PREX1: variants seen among roughly 807,000 people sequenced by gnomAD.
PREX1 encodes phosphatidylinositol-3,4,5-trisphosphate dependent Rac exchange factor 1.
Under a neutral mutation model 198.3 loss-of-function variants are expected in PREX1, and 41 were observed. The ratio of observed to expected loss-of-function variants is 0.21; its 90% CI spans 0.16 to 0.27. PREX1 has a LOEUF of 0.27. Among genes scored for constraint, PREX1 ranks in the 10% least tolerant of loss-of-function variants. The pLI is 1.00. For synonymous variants in PREX1, 843 were observed against 887.2 expected, an observed-to-expected ratio of 0.95 and a Z score of 0.89; for missense variants, 1,620 against 2,200.7, an observed-to-expected ratio of 0.74 and a Z score of 5.28.
Position 48,786,811 on chromosome 20 carries a change from G to A in PREX1, c.220-38931C>T, listed in dbSNP as rs1204680233. Among the ~76,000 whole-genome samples, 4 of 35,582 alleles carry A rather than the reference G, an allele frequency of 1.1e-4. No individual in the cohort carries two copies. In the East Asian group the frequency reaches 3.0e-3, roughly 27 times the overall value. The allele number at this position is 35,582 out of a possible 152,430, so 23.3% of individuals were successfully genotyped here. ...AGAAAAGAAAAGAAAGAGAAGGAAGGAAAGAAAAAGAGAGAGAGAGAAAGA... is the reference window on the plus strand; with the variant it reads ...AGAAAAGAAAAGAAAGAGAAGGAAGAAAAGAAAAAGAGAGAGAGAGAAAGA... On this transcript the variant is annotated intron_variant, in intron 1 of 39. Coordinates refer to ENST00000371941, the MANE Select transcript of PREX1 (RefSeq NM_020820.4).
intron 33 of PREX1, among the ~76,000 whole-genome samples, chr20:48,633,152 G>T (rs529127628): frequency 8.7e-4 from 133 of 152,206 alleles, no homozygotes; most frequent in Non-Finnish European, 2.5e-4. Flanking sequence ...ATCACTCATC[G>T]ATCAAAGCTC....
At chr20:48,884,013 G>A in the PREX1 span, among the ~76,000 whole-genome samples, 3 of 152,010 alleles carry the variant, frequency 2.0e-5, no homozygotes, top group Middle Eastern at 0.01. Flanking sequence ...GGTGGTGGAC[G>A]CCTGTAGTCT....
Position 48,756,298 on chromosome 20 carries a change from C to G in PREX1, c.220-8418G>C, listed in dbSNP as rs1282832109. Among the ~76,000 whole-genome samples, 4 of 152,166 alleles carry G rather than the reference C, an allele frequency of 2.6e-5. No individual in the cohort carries two copies. In the East Asian group the frequency reaches 7.7e-4, roughly 29 times the overall value. ...CCCTCTCCACTCTGTTCCCACCTAG[C>G]ATTCCTTCATCACGTCCATGCCAGG... On this transcript the variant is annotated intron_variant, in intron 1 of 39. Coordinates refer to ENST00000371941, the MANE Select transcript of PREX1 (RefSeq NM_020820.4).
At chr20:48,696,156 T>C (rs1410493625) in intron 7 of PREX1, among the ~76,000 whole-genome samples, 1 of 152,256 alleles carries the variant, frequency 6.6e-6, no homozygotes, top group Non-Finnish European at 1.5e-5. Flanking sequence ...CTTTGTCCTG[T>C]TTAAGATATT....
At chr20:48,786,610 G>A (rs2090313326) in intron 1 of PREX1, among the ~76,000 whole-genome samples, 2 of 151,954 alleles carry the variant, frequency 1.3e-5, no homozygotes, top group African/African-American at 4.8e-5. Flanking sequence ...TAGGTGTGGT[G>A]GTGCACACCT....
intron 5 of PREX1, among the ~76,000 whole-genome samples, chr20:48,717,583 T>C (rs887071136): frequency 6.6e-6 from 1 of 151,450 alleles, no homozygotes; most frequent in African/African-American, 2.4e-5. Flanking sequence ...CTCCCCAGCA[T>C]TGCAAAAAAA....
intron 25 of PREX1, among the ~76,000 whole-genome samples, chr20:48,647,519 CAAAAAAAAAAAAAA>C (rs765244255): frequency 2.0e-5 from 1 of 49,630 alleles, no homozygotes; most frequent in Non-Finnish European, 4.5e-5. Flanking sequence ...GACAACATCT[CAAAAAAAAAAAAAA>C]AAAAAAAAGA....
At chr20:48,673,980 G>A (rs1267627118) in intron 14 of PREX1, among the ~76,000 whole-genome samples, 2 of 152,174 alleles carry the variant, frequency 1.3e-5, no homozygotes, top group Non-Finnish European at 2.9e-5. Context: ...TGAGCAACTT[G>A]TCCAAGGTCA....
At chr20:48,783,369 T>A (rs2090298491) in intron 1 of PREX1, among the ~76,000 whole-genome samples, 3 of 151,806 alleles carry the variant, frequency 2.0e-5, no homozygotes, top group Admixed American at 2.0e-4. Flanking sequence ...TGCCATTAGC[T>A]GAGATGAGAG....
At chr20:48,862,066 C>T in the PREX1 span, among the ~76,000 whole-genome samples, 1 of 151,990 alleles carries the variant, frequency 6.6e-6, no homozygotes, top group Non-Finnish European at 1.5e-5. Context: ...AAAAGTTAGA[C>T]AAGCTTGGTG....
the PREX1 span, among the ~76,000 whole-genome samples, chr20:48,855,921 G>A: frequency 2.4e-4 from 37 of 152,190 alleles, no homozygotes; most frequent in Admixed American, 2.0e-3. Flanking sequence ...AAATAAATAA[G>A]TAAAGAGATC....
chr20:48,807,993 T>G (rs372451494), intron 1 of PREX1, among the ~76,000 whole-genome samples: 3 of 152,172 alleles, frequency 2.0e-5, no homozygotes, highest in Admixed American at 6.5e-5. Flanking sequence ...CTCCTGAGCC[T>G]GCACCATCCT....
chr20:48,710,224 G>C (rs1012113376), intron 5 of PREX1, among the ~76,000 whole-genome samples: 11 of 152,212 alleles, frequency 7.2e-5, no homozygotes, highest in Non-Finnish European at 2.9e-5. Context: ...GGCAGGCAGG[G>C]CACCCAGGGC....
the PREX1 span, among the ~76,000 whole-genome samples, chr20:48,855,999 C>T: frequency 9.9e-5 from 15 of 152,118 alleles, no homozygotes; most frequent in African/African-American, 7.2e-5. Context: ...TGGAGAGTGA[C>T]GAGGGAGCGG....
intron 3 of PREX1, among the ~76,000 whole-genome samples, chr20:48,737,759 T>C (rs893169338): frequency 6.6e-6 from 1 of 152,216 alleles, no homozygotes; most frequent in African/African-American, 2.4e-5. Flanking sequence ...GTTGAACCCC[T>C]GCCACCATGT....
At chr20:48,647,808 A>G (rs899310529) in intron 25 of PREX1, among the ~76,000 whole-genome samples, 2 of 152,132 alleles carry the variant, frequency 1.3e-5, no homozygotes, top group African/African-American at 2.4e-5. Flanking sequence ...AGTAGAGAGA[A>G]TATCATGAAC....
intron 27 of PREX1, 142 bp from the exon 28 acceptor site, chr20:48,642,631 G>A: frequency 1.4e-6 from 1 of 703,334 alleles, no homozygotes; most frequent in Non-Finnish European, 2.3e-6. Context: ...TCCTGGCTGT[G>A]AGCCACAGGG....
intron 4 of PREX1, among the ~76,000 whole-genome samples, chr20:48,731,855 GGAAA>G (rs1568842983): frequency 1.3e-5 from 2 of 152,196 alleles, no homozygotes; most frequent in South Asian, 2.1e-4. Flanking sequence ...GAGATAGGAA[GGAAA>G]GAAAGAAAGA....
At chr20:48,729,950 A>G (rs534641024) in intron 4 of PREX1, among the ~76,000 whole-genome samples, 114 of 152,190 alleles carry the variant, frequency 7.5e-4, no homozygotes, top group African/African-American at 2.4e-3. Flanking sequence ...ATGAGGGGAG[A>G]AGACACCAAA....
Sources: allele counts gnomAD v4.1 joint callset (sites outside exome capture counted in the v4.1 genomes callset), GRCh38; gene constraint gnomAD v4.1.1; transcripts MANE v1.5; gene names NCBI Gene and HGNC (gene_info 2026-07-23, HGNC 2026-07-21).